Variants in DYNC1I1 observed in about 807,000 individuals in gnomAD.
DYNC1I1 encodes the protein cytoplasmic dynein 1 intermediate chain 1.
Under a neutral mutation model 86.6 loss-of-function variants are expected in DYNC1I1, and 43 were observed. The observed-to-expected ratio is 0.50, with a 90% CI of 0.39 to 0.64. The LOEUF (loss-of-function observed/expected upper bound fraction) is 0.64. Among genes scored for constraint, DYNC1I1 ranks in the 30% least tolerant of loss-of-function variants. The pLI is 0.00. For missense variants in DYNC1I1, 604 were observed against 788.8 expected (o/e 0.77, Z 2.81); for synonymous variants, 262 against 283.7 (o/e 0.92, Z 0.77).
intron 6 of DYNC1I1, among the ~76,000 whole-genome samples, chr7:95,873,238 T>G (rs1790220238): frequency 2.0e-5 from 3 of 152,156 alleles, no homozygotes; most frequent in Non-Finnish European, 4.4e-5. Flanking sequence ...GAGGCCACAT[T>G]ATTATTCTAA....
intron 10 of DYNC1I1, among the ~76,000 whole-genome samples, chr7:95,997,310 G>C (rs992003462): frequency 6.6e-6 from 1 of 151,878 alleles, no homozygotes; most frequent in Non-Finnish European, 1.5e-5. Flanking sequence ...TACAAGGTTT[G>C]CCGAATTCCC....
At chr7:95,967,774 A>G (rs1040696198) in intron 6 of DYNC1I1, among the ~76,000 whole-genome samples, 10 of 152,324 alleles carry the variant, frequency 6.6e-5, no homozygotes, top group Admixed American at 6.5e-4. Flanking sequence ...GTAGGTGCTC[A>G]TATTTTGTAA....
chr7:95,989,260 A>G (rs954084287), intron 9 of DYNC1I1, among the ~76,000 whole-genome samples: 2 of 152,230 alleles, frequency 1.3e-5, no homozygotes, highest in African/African-American at 4.8e-5. Flanking sequence ...ATTCCCCACA[A>G]CTAGACCCTC....
At chr7:95,906,637 G>A (rs940721219) in intron 6 of DYNC1I1, among the ~76,000 whole-genome samples, 1 of 151,056 alleles carries the variant, frequency 6.6e-6, no homozygotes, top group African/African-American at 2.4e-5. Context: ...TGCTTTATTT[G>A]TTATTCAAAA....
chr7:95,797,183 G>T (rs1584232139), intron 1 of DYNC1I1, among the ~76,000 whole-genome samples: 1 of 152,136 alleles, frequency 6.6e-6, no homozygotes, highest in Middle Eastern at 3.4e-3. Flanking sequence ...AAAAACATTT[G>T]TACAGTAATT....
At chr7:95,824,951 G>T (rs1795171900) in intron 4 of DYNC1I1, among the ~76,000 whole-genome samples, 1 of 152,164 alleles carries the variant, frequency 6.6e-6, no homozygotes, top group East Asian at 1.9e-4. Flanking sequence ...CAAAAAATTT[G>T]CATATTTGCA....
chr7:95,992,317 A>G (rs1206956275), intron 9 of DYNC1I1, among the ~76,000 whole-genome samples: 1 of 152,180 alleles, frequency 6.6e-6, no homozygotes, highest in Non-Finnish European at 1.5e-5. Context: ...CATTCATGTC[A>G]CATATTTTAC....
At chr7:95,919,757 C>G (rs1470783642) in intron 6 of DYNC1I1, among the ~76,000 whole-genome samples, 1 of 152,070 alleles carries the variant, frequency 6.6e-6, no homozygotes, top group Non-Finnish European at 1.5e-5. Context: ...GAAGTGAGAA[C>G]AGGAAAGATG....
At chr7:96,093,166 A>G (rs148392236) in intron 16 of DYNC1I1, among the ~76,000 whole-genome samples, 45 of 152,368 alleles carry the variant, frequency 3.0e-4, no homozygotes, top group African/African-American at 1.1e-3. Context: ...GAGCTGTTCA[A>G]TTTGACTGAC....
At chr7:95,972,610 G>A (rs537779638) in intron 6 of DYNC1I1, among the ~76,000 whole-genome samples, 9 of 152,194 alleles carry the variant, frequency 5.9e-5, no homozygotes, top group Admixed American at 1.3e-4. Context: ...GCCAAACACT[G>A]ACAAATGTTC....
chr7:95,926,576 T>G (rs1791752046), intron 6 of DYNC1I1, among the ~76,000 whole-genome samples: 3 of 152,192 alleles, frequency 2.0e-5, no homozygotes, highest in Admixed American at 2.0e-4. Flanking sequence ...TTTTTCCCTT[T>G]GAGAAGGTAC....
In DYNC1I1 at chr7:96,002,109, G is replaced by A. The variant is rs116970183; in HGVS notation, c.969+6036G>A. 1.9e-3 allele frequency among the ~76,000 whole-genome samples: 291 copies of A among 152,126 alleles called. 1 individual carries two copies. Among genetic ancestry groups the A allele is most frequent in the South Asian group, 2.7e-3 (13 of 4,812 alleles). ...TTTTGGAGGTACCCACCATGGCCAG[G>A]CCCTCACAGCAGTGATAGGCTGGAG... On this transcript the variant is annotated intron_variant, in intron 10 of 16. Transcript: ENST00000447467.
chr7:95,790,035 T>A (rs1453377619), intron 1 of DYNC1I1, among the ~76,000 whole-genome samples: 1 of 152,186 alleles, frequency 6.6e-6, no homozygotes, highest in African/African-American at 2.4e-5. Context: ...AAAAGGCTGA[T>A]GTAGAGTGAA....
At chr7:95,944,523 G>C (rs1584186866) in intron 6 of DYNC1I1, among the ~76,000 whole-genome samples, 1 of 152,066 alleles carries the variant, frequency 6.6e-6, no homozygotes, top group Admixed American at 6.6e-5. Flanking sequence ...CCCATTACTG[G>C]GTATATACCC....
intron 16 of DYNC1I1, among the ~76,000 whole-genome samples, chr7:96,096,274 C>T (rs938075966): frequency 6.6e-6 from 1 of 151,998 alleles, no homozygotes; most frequent in Non-Finnish European, 1.5e-5. Flanking sequence ...AATTTTCCAG[C>T]TGTAGAAGCA....
chr7:96,058,800 A>ATTTT lies in DYNC1I1; in HGVS notation c.1510-17237_1510-17234dup, dbSNP rs35348142. Among the ~76,000 whole-genome samples, 24 of 98,710 alleles carry ATTTT rather than the reference A, an allele frequency of 2.4e-4. 1 individual carries two copies. Among genetic ancestry groups the ATTTT allele is most frequent in the South Asian group, 1.5e-3 (4 of 2,614 alleles). 64.8% of individuals were successfully genotyped at this position (98,710 alleles called of 152,430 possible). On this transcript the variant is annotated intron_variant, in intron 14 of 16. Transcript: ENST00000447467. ...AGGCATGTGCTACCATGCCTGGCTA[A>ATTTT]TTTTTTTTTTTTTTTTTTTTTTTGG...
At chr7:95,944,979 T>A (rs769701651) in intron 6 of DYNC1I1, among the ~76,000 whole-genome samples, 3 of 151,658 alleles carry the variant, frequency 2.0e-5, no homozygotes, top group South Asian at 2.1e-4. Flanking sequence ...CATATGTAAC[T>A]AACCTGCACA....
chr7:95,846,559 C>T (rs969750630), intron 5 of DYNC1I1, among the ~76,000 whole-genome samples: 1 of 151,536 alleles, frequency 6.6e-6, no homozygotes, highest in African/African-American at 2.4e-5. Flanking sequence ...AAAAAGTCAA[C>T]CATCAAGCTG....
chr7:96,104,990 G>A (rs1207902368), intron 16 of DYNC1I1, among the ~76,000 whole-genome samples: 1 of 151,854 alleles, frequency 6.6e-6, no homozygotes, highest in East Asian at 1.9e-4. Context: ...AATATAACTT[G>A]TATTTATTGG....
Sources: gnomAD v4.1 joint callset for allele counts (sites outside exome capture counted in the v4.1 genomes callset) on GRCh38, gnomAD v4.1.1 for gene constraint, MANE v1.5 for transcripts, NCBI Gene and HGNC (gene_info 2026-07-23, HGNC 2026-07-21) for gene names.